Variants in NKAIN2 observed in about 807,000 individuals in gnomAD.
The protein encoded by NKAIN2 is sodium/potassium transporting ATPase interacting 2.
Under a neutral mutation model 32.6 loss-of-function variants are expected in NKAIN2, and 14 were observed. The observed-to-expected ratio is 0.43, with a 90% CI of 0.28 to 0.67. The LOEUF (loss-of-function observed/expected upper bound fraction) is 0.67, where lower values mean the gene tolerates loss of function less well. Ranked by LOEUF, NKAIN2 falls within the 30% of genes least tolerant of loss-of-function variation. The probability of loss-of-function intolerance (pLI) is 0.17; values close to 1 mark genes in which losing one functional copy is unlikely to be tolerated. For synonymous variants in NKAIN2, 80 were observed against 87.2 expected, an observed-to-expected ratio of 0.92 and a Z score of 0.46; for missense variants, 198 against 258.3, an observed-to-expected ratio of 0.77 and a Z score of 1.60.
At chr6:124,128,521 T>G (rs1270613103) in intron 1 of NKAIN2, among the ~76,000 whole-genome samples, 2 of 152,224 alleles carry the variant, frequency 1.3e-5, no homozygotes, top group African/African-American at 4.8e-5. Flanking sequence ...TAATATTAAC[T>G]ATTTGAATTT....
At chr6:123,812,059 C>T (rs1397394179) in intron 1 of NKAIN2, among the ~76,000 whole-genome samples, 1 of 152,128 alleles carries the variant, frequency 6.6e-6, no homozygotes, top group African/African-American at 2.4e-5. Flanking sequence ...CGCCCCCACC[C>T]TCAAGGGTCA....
chr6:124,652,957 C>A (rs904288812), intron 3 of NKAIN2, among the ~76,000 whole-genome samples: 1 of 152,074 alleles, frequency 6.6e-6, no homozygotes, highest in Non-Finnish European at 1.5e-5. Context: ...CAAAATCTAG[C>A]AAAATATGTA....
At chr6:123,976,699 C>T (rs1050018276) in intron 1 of NKAIN2, among the ~76,000 whole-genome samples, 1 of 151,936 alleles carries the variant, frequency 6.6e-6, no homozygotes, top group Non-Finnish European at 1.5e-5. Flanking sequence ...AATTAACTAT[C>T]ATGCATCATA....
At chr6:124,100,889 G>T (rs1784854052) in intron 1 of NKAIN2, among the ~76,000 whole-genome samples, 1 of 152,148 alleles carries the variant, frequency 6.6e-6, no homozygotes, top group Non-Finnish European at 1.5e-5. Flanking sequence ...GCAAAAAGAG[G>T]CTGTCTTCTT....
At chr6:124,188,385 A>G (rs1016963702) in intron 1 of NKAIN2, among the ~76,000 whole-genome samples, 3 of 152,220 alleles carry the variant, frequency 2.0e-5, no homozygotes, top group Non-Finnish European at 4.4e-5. Flanking sequence ...TTTCTTAAAG[A>G]GGTGTCAGCC....
At chr6:124,752,367 G>A (rs1777760972) in intron 4 of NKAIN2, among the ~76,000 whole-genome samples, 1 of 151,776 alleles carries the variant, frequency 6.6e-6, no homozygotes, top group South Asian at 2.1e-4. Flanking sequence ...CATACTTTAG[G>A]CATTAAGTAA....
intron 1 of NKAIN2, among the ~76,000 whole-genome samples, chr6:123,898,594 T>C (rs796587650): frequency 4.6e-5 from 7 of 151,950 alleles, no homozygotes; most frequent in African/African-American, 1.7e-4. Context: ...ATTCCGTGCT[T>C]TGTCCACAAG....
chr6:124,299,396 T>G (rs2114970901), intron 2 of NKAIN2, among the ~76,000 whole-genome samples: 1 of 152,310 alleles, frequency 6.6e-6, no homozygotes, highest in Admixed American at 6.5e-5. Flanking sequence ...GACTCTAGAG[T>G]TTGTTTTTCC....
intron 4 of NKAIN2, among the ~76,000 whole-genome samples, chr6:124,700,825 A>G (rs1291008714): frequency 6.6e-6 from 1 of 151,864 alleles, no homozygotes; most frequent in Admixed American, 6.6e-5. Context: ...AAATTCCAAT[A>G]AAAAGGAATC....
intron 3 of NKAIN2, among the ~76,000 whole-genome samples, chr6:124,356,570 G>C (rs1053036828): frequency 6.6e-6 from 1 of 152,124 alleles, no homozygotes; most frequent in Non-Finnish European, 1.5e-5. Context: ...GATGCCATTT[G>C]TGTGTTTTTT....
intron 3 of NKAIN2, among the ~76,000 whole-genome samples, chr6:124,588,798 G>C (rs1190348138): frequency 6.6e-6 from 1 of 152,144 alleles, no homozygotes; most frequent in Non-Finnish European, 1.5e-5. Flanking sequence ...GGACCATAGA[G>C]AGATTGATCA....
At chr6:124,171,959 C>G (rs944531419) in intron 1 of NKAIN2, among the ~76,000 whole-genome samples, 1 of 151,602 alleles carries the variant, frequency 6.6e-6, no homozygotes, top group African/African-American at 2.4e-5. Context: ...ACTACAGGCA[C>G]ATGCTGCCAC....
chr6:123,843,199 G>A (rs960961346), intron 1 of NKAIN2, among the ~76,000 whole-genome samples: 2 of 152,254 alleles, frequency 1.3e-5, no homozygotes, highest in South Asian at 2.1e-4. Flanking sequence ...TTGGGTTCCC[G>A]CACCCAGTGT....
intron 1 of NKAIN2, among the ~76,000 whole-genome samples, chr6:123,976,346 CCCATATAT>C (rs1562287555): frequency 2.3e-4 from 3 of 12,816 alleles, no homozygotes; most frequent in East Asian, 3.1e-3. Flanking sequence ...TATATATGTT[CCCATATAT>C]ATATATATAT....
chr6:124,811,313 GA>G, intron 5 of NKAIN2, among the ~76,000 whole-genome samples: 1 of 152,172 alleles, frequency 6.6e-6, no homozygotes, highest in East Asian at 1.9e-4. Flanking sequence ...CTCCAAAAGG[GA>G]GTATGTTGAC....
At chr6:124,680,023 G>T (rs73770516) in intron 4 of NKAIN2, among the ~76,000 whole-genome samples, 18 of 151,990 alleles carry the variant, frequency 1.2e-4, no homozygotes, top group Admixed American at 1.0e-3. Context: ...TATTTATTAC[G>T]ATGAGCCACC....
chr6:124,609,939 A>C (rs1782631985), intron 3 of NKAIN2, among the ~76,000 whole-genome samples: 1 of 152,066 alleles, frequency 6.6e-6, no homozygotes, highest in African/African-American at 2.4e-5. Flanking sequence ...CTACCTTAAA[A>C]ACGAGGTTTG....
At chr6:124,398,334 C>T (rs1324583184) in intron 3 of NKAIN2, among the ~76,000 whole-genome samples, 1 of 147,494 alleles carries the variant, frequency 6.8e-6, no homozygotes, top group Non-Finnish European at 1.5e-5. Flanking sequence ...TGACAAAATA[C>T]CACTTCACAG....
intron 3 of NKAIN2, among the ~76,000 whole-genome samples, chr6:124,541,226 TC>T (rs1261351347): frequency 6.6e-6 from 1 of 152,186 alleles, no homozygotes; most frequent in Non-Finnish European, 1.5e-5. Flanking sequence ...ATTAAAAATC[TC>T]CCCAGTGGGG....
Sources: gnomAD v4.1 joint callset for allele counts (sites outside exome capture counted in the v4.1 genomes callset) on GRCh38, gnomAD v4.1.1 for gene constraint, MANE v1.5 for transcripts, NCBI Gene and HGNC (gene_info 2026-07-23, HGNC 2026-07-21) for gene names.